Variants in GIMAP5 observed in about 807,000 individuals in gnomAD.
The protein encoded by GIMAP5 is GTPase IMAP family member 5.
GIMAP5 carries 8 observed loss-of-function variants against 9.9 expected under a neutral mutation model. The ratio of observed to expected loss-of-function variants is 0.81; its 90% confidence interval spans 0.47 to 1.45. GIMAP5 has a LOEUF of 1.45. Among genes scored for constraint, GIMAP5 ranks in the 40% most tolerant of loss-of-function variants. The pLI is 0.00. For missense variants in GIMAP5, 353 were observed against 367.4 expected, an observed-to-expected ratio of 0.96 and a Z score of 0.32; for synonymous variants, 174 against 151.4, an observed-to-expected ratio of 1.15 and a Z score of -1.09.
Position 150,742,694 on chromosome 7 carries a change from T to G in GIMAP5, c.555T>G (p.Cys185Trp). ...DLVRECERRY[C>W]AFNNWGSVEE... ...TGCGGGAGTGTGAGAGAAGGTACTG[T>G]GCCTTCAACAACTGGGGCTCTGTGG... Residue 185 changes from cysteine to tryptophan, a missense_variant, in exon 3 of 3, where the codon TGT becomes TGG. Coordinates refer to ENST00000358647, the MANE Select transcript of GIMAP5 (RefSeq NM_018384.5). 1 of 1,614,214 alleles carries G rather than the reference T, an allele frequency of 6.2e-7. No homozygotes were observed. The highest frequency in any genetic ancestry group is 8.5e-7 in the Non-Finnish European group (1 of 1,180,030).
rs1014565786 is a variant in GIMAP5, at chr7:150,740,679, A to G, written c.-6-200A>G. ...GGAAGTAATCGTGCACTATTTTAGC[A>G]TAACCTAACATCTAACATCACCTGC... On this transcript the variant is annotated intron_variant, in intron 1 of 2. Transcript: ENST00000358647. The G allele has an allele frequency of 8.1e-5, 44 of 544,046 alleles. No individual in the cohort carries two copies. The Middle Eastern group carries it at 2.4e-3, about 30-fold the overall frequency. 33.7% of individuals were successfully genotyped at this position (544,046 alleles called of 1,614,324 possible). A position where few individuals can be genotyped will look rare whatever the true frequency, so the allele number is the denominator to read the frequency against.
chr7:150,739,697 A>G (rs1028244292), intron 1 of GIMAP5: 1 of 152,118 alleles, frequency 6.6e-6, no homozygotes, highest in African/African-American at 2.4e-5. Flanking sequence ...CTCTGGGCTT[A>G]AGAAAAAGAA....
At chr7:150,742,084 G>A in intron 2 of GIMAP5, 99 bp from the exon 3 acceptor site, 1 of 1,374,500 alleles carries the variant, frequency 7.3e-7, no homozygotes, top group East Asian at 2.4e-5. Flanking sequence ...TGTCATTCTG[G>A]GGAGGACGTT....
At position 150,742,955 on chromosome 7, in the gene GIMAP5, C is replaced by T. The variant is rs1046355; in HGVS notation, c.816C>T (p.Leu272=). ...ENESNWAYKA[L]LRVKHLMLLH... ...AGAGTAACTGGGCATACAAGGCGCT[C>T]CTCAGAGTCAAACACTTGATGCTTT... Residue 272 remains leucine, a synonymous_variant, in exon 3 of 3, where the codon CTC becomes CTT. Transcript: ENST00000358647. 504,206 of 1,613,934 alleles carry T rather than the reference C, an allele frequency of 0.31. 81,679 individuals are homozygous for T. The highest frequency in any genetic ancestry group is 0.54 in the African/African-American group (40,444 of 74,944).
At chr7:150,740,664 G>A (rs749574552) in intron 1 of GIMAP5, 9 of 467,918 alleles carry the variant, frequency 1.9e-5, no homozygotes, top group Admixed American at 7.6e-5. Context: ...GGAAGTAATC[G>A]TGCACTATTT....
Position 150,737,436 on chromosome 7 carries a change from ACC to A in GIMAP5, c.-278_-277del. 1 of 1,259,774 alleles carries A rather than the reference ACC, an allele frequency of 7.9e-7. No homozygotes were observed. The highest frequency in any genetic ancestry group is 1.1e-6 in the Non-Finnish European group (1 of 900,502). The allele number at this position is 1,259,774 out of a possible 1,614,324, so 78.0% of individuals were successfully genotyped here. A position where few individuals can be genotyped will look rare whatever the true frequency, so the allele number is the denominator to read the frequency against. ...TGTTCCCAATCAGTTTCCAGCCAAC[ACC>A]AGGGTGTCCTAGTCCGCAGAGGTGT... is the stretch of plus-strand genomic sequence containing the variant. On this transcript the variant is annotated 5_prime_UTR_variant, in exon 1 of 3. Coordinates refer to ENST00000358647, the MANE Select transcript of GIMAP5 (RefSeq NM_018384.5).
rs765161719 is a variant in GIMAP5 at position 150,743,160 on chromosome 7, A to G, written c.*97A>G. 4.2e-6 allele frequency: 6 copies of G among 1,437,928 alleles called. No homozygotes were observed. Among genetic ancestry groups the G allele is most frequent in the Non-Finnish European group, 5.6e-6 (6 of 1,071,866 alleles). The allele number at this position is 1,437,928 out of a possible 1,614,324, so 89.1% of individuals were successfully genotyped here. A position where few individuals can be genotyped will look rare whatever the true frequency, so the allele number is the denominator to read the frequency against. On this transcript the variant is annotated 3_prime_UTR_variant, in exon 3 of 3. Transcript: ENST00000358647. The stretch of plus-strand genomic sequence containing the variant: ...CTCAGATCCTCGTGGTCTATGGAGC[A>G]TGCTGCTTGCTGTCTGTGCAGCTCC...
rs910072560 is a variant in GIMAP5, at chr7:150,737,489, T to A, written c.-226T>A. On this transcript the variant is annotated 5_prime_UTR_variant, in exon 1 of 3. Coordinates refer to ENST00000358647, the MANE Select transcript of GIMAP5 (RefSeq NM_018384.5). ...GGGGGACACACTCCATAATCTCTAC[T>A]TTTCTTTTTGTGCAGCTGAGTCATG... 3.3e-6 allele frequency: 5 copies of A among 1,533,394 alleles called. No individual in the cohort carries two copies. The highest frequency in any genetic ancestry group is 4.4e-6 in the Non-Finnish European group (5 of 1,145,026). 95.0% of individuals were successfully genotyped at this position (1,533,394 alleles called of 1,614,324 possible).
Position 150,742,801 on chromosome 7 carries a change from A to T in GIMAP5, c.662A>T (p.Asn221Ile). Residue 221 changes from asparagine (N) to isoleucine (I), a missense_variant, in exon 3 of 3, where the codon AAT becomes ATT. Physicochemically the swap from Asn to Ile is moderately radical, Grantham distance 149. Transcript: ENST00000358647. ...GREREGSFHS[N>I]DLFLDAQLLQ... The stretch of plus-strand genomic sequence containing the variant: ...GAGCGAGAGGGCTCCTTCCACAGCA[A>T]TGACCTCTTCTTGGATGCCCAGCTG... 6.2e-7 allele frequency: 1 copy of T among 1,614,162 alleles called. No individual in the cohort carries two copies. Among genetic ancestry groups the T allele is most frequent in the Non-Finnish European group, 8.5e-7 (1 of 1,180,038 alleles).
Position 150,743,080 on chromosome 7 carries a change from G to T in GIMAP5, c.*17G>T. On this transcript the variant is annotated 3_prime_UTR_variant, in exon 3 of 3. Coordinates refer to ENST00000358647, the MANE Select transcript of GIMAP5 (RefSeq NM_018384.5). Reference sequence around the variant, plus strand: ...TACATTTAAATCTCTGGACCCTGGAGCACTTCTAATGTATCACCCCATGGA... The same window carrying T: ...TACATTTAAATCTCTGGACCCTGGATCACTTCTAATGTATCACCCCATGGA... 1.3e-6 allele frequency: 2 copies of T among 1,594,362 alleles called. No individual in the cohort carries two copies. The highest frequency in any genetic ancestry group is 2.3e-5 in the South Asian group (2 of 88,186).
rs1381129743 is a variant in GIMAP5 at position 150,737,426 on chromosome 7, T to G, written c.-289T>G. ...TTCAGGGTCTTGTTCCCAATCAGTT[T>G]CCAGCCAACACCAGGGTGTCCTAGT... On this transcript the variant is annotated 5_prime_UTR_variant, in exon 1 of 3. Coordinates refer to ENST00000358647, the MANE Select transcript of GIMAP5 (RefSeq NM_018384.5). 1.7e-6 allele frequency: 2 copies of G among 1,150,944 alleles called. No individual in the cohort carries two copies. Among genetic ancestry groups the G allele is most frequent in the African/African-American group, 3.1e-5 (2 of 65,536 alleles). The allele number at this position is 1,150,944 out of a possible 1,614,324, so 71.3% of individuals were successfully genotyped here. A position where few individuals can be genotyped will look rare whatever the true frequency, so the allele number is the denominator to read the frequency against.
In GIMAP5 at chr7:150,742,678, G is replaced by A; in HGVS notation, c.539G>A (p.Cys180Tyr). ...AGCCTGAAAGACCTGGTGCGGGAGT[G>A]TGAGAGAAGGTACTGTGCCTTCAAC... The part of the protein sequence containing the change: ...NCSLKDLVRE[C>Y]ERRYCAFNNW... Residue 180 changes from cysteine to tyrosine, a missense_variant, in exon 3 of 3, where the codon TGT becomes TAT. Coordinates refer to ENST00000358647, the MANE Select transcript of GIMAP5 (RefSeq NM_018384.5). The A allele has an allele frequency of 5.0e-6, 8 of 1,614,246 alleles. No individual in the cohort carries two copies. The highest frequency in any genetic ancestry group is 6.8e-6 in the Non-Finnish European group (8 of 1,180,042).
rs768384469 is a variant in GIMAP5 at position 150,742,281 on chromosome 7, C to T, written c.142C>T (p.Leu48Phe). The part of the protein sequence containing the change: ...CGKSATGNSI[L>F]GQPVFESKLR... The stretch of plus-strand genomic sequence containing the variant: ...GAAAAGTGCCACAGGGAACAGCATC[C>T]TTGGCCAGCCCGTGTTTGAGTCCAA... Residue 48 changes from leucine to phenylalanine, a missense_variant, in exon 3 of 3, where the codon CTT (leucine) becomes TTT (phenylalanine). Physicochemically the swap from Leu to Phe is conservative, Grantham distance 22 (BLOSUM62 0). Coordinates refer to ENST00000358647, the MANE Select transcript of GIMAP5 (RefSeq NM_018384.5). 2 of 1,614,218 alleles carry T rather than the reference C, an allele frequency of 1.2e-6. No homozygotes were observed. Among genetic ancestry groups the T allele is most frequent in the South Asian group, 2.2e-5 (2 of 91,082 alleles).
intron 2 of GIMAP5, among the ~76,000 whole-genome samples, chr7:150,741,889 C>T (rs1465099198): frequency 6.6e-6 from 1 of 152,218 alleles, no homozygotes; most frequent in Non-Finnish European, 1.5e-5. Flanking sequence ...GGGGAAAACA[C>T]AAGGACCATT....
At chr7:150,738,159 A>AT (rs986112680) in intron 1 of GIMAP5, 2 of 168,800 alleles carry the variant, frequency 1.2e-5, no homozygotes, top group Non-Finnish European at 2.6e-5. Flanking sequence ...GACACGTACC[A>AT]TGTCTCAGAC....
intron 1 of GIMAP5, 60 bp from the exon 2 acceptor site, chr7:150,740,819 A>C: frequency 6.4e-7 from 1 of 1,554,632 alleles, no homozygotes; most frequent in East Asian, 2.2e-5. Context: ...AGGTGCCCTC[A>C]GGCTCTACCA....
intron 2 of GIMAP5, among the ~76,000 whole-genome samples, chr7:150,741,432 G>T (rs1052015020): frequency 6.6e-6 from 1 of 152,042 alleles, no homozygotes; most frequent in Non-Finnish European, 1.5e-5. Context: ...GAAGATTTTC[G>T]CTCCTGCCAC....
intron 1 of GIMAP5, chr7:150,739,494 A>G (rs577947378): frequency 2.6e-5 from 4 of 152,376 alleles, no homozygotes; most frequent in African/African-American, 4.8e-5. Flanking sequence ...GCTTATTACA[A>G]TTATGATGTT....
intron 1 of GIMAP5, 30 bp from the exon 2 acceptor site, chr7:150,740,849 C>T (rs771513676): frequency 7.4e-6 from 12 of 1,613,132 alleles, no homozygotes; most frequent in Middle Eastern, 1.6e-4. Context: ...CGTACATCTG[C>T]TTTTTATCCT....
Sources: gnomAD v4.1 joint callset for allele counts (sites outside exome capture counted in the v4.1 genomes callset) on GRCh38, gnomAD v4.1.1 for gene constraint, MANE v1.5 for transcripts, NCBI Gene and HGNC (gene_info 2026-07-23, HGNC 2026-07-21) for gene names.